Variants in CEP112 observed in about 807,000 individuals in gnomAD.
CEP112 encodes the protein centrosomal protein of 112 kDa.
In CEP112, 127 loss-of-function variants were observed where a neutral mutation model predicts 153.0. That is an observed-to-expected ratio of 0.83 (90% CI 0.72 to 0.96). The LOEUF (loss-of-function observed/expected upper bound fraction) is 0.96, where lower values mean the gene tolerates loss of function less well. Among genes scored for constraint, CEP112 ranks in the 40% least tolerant of loss-of-function variants. CEP112 has a pLI of 0.00. For synonymous variants in CEP112, 358 were observed against 374.4 expected (o/e 0.96, Z 0.51); for missense variants, 1,089 against 1,101.2 (o/e 0.99, Z 0.16).
intron 24 of CEP112, among the ~76,000 whole-genome samples, chr17:65,672,544 T>C (rs1406858653): frequency 1.2e-4 from 19 of 152,250 alleles, no homozygotes; most frequent in Non-Finnish European, 1.5e-5. Context: ...AGAAAGGTTT[T>C]GCTTGTAATA....
At chr17:65,970,539 G>A (rs2062690292) in intron 17 of CEP112, among the ~76,000 whole-genome samples, 1 of 151,004 alleles carries the variant, frequency 6.6e-6, no homozygotes, top group Non-Finnish European at 1.5e-5. Context: ...TATAACACAT[G>A]AATATTACAT....
chr17:66,162,473 T>C (rs1476427545), intron 4 of CEP112, among the ~76,000 whole-genome samples: 2 of 152,162 alleles, frequency 1.3e-5, no homozygotes, highest in South Asian at 2.1e-4. Flanking sequence ...TATACTTGTG[T>C]ACTAAGAGAC....
chr17:65,762,326 T>C (rs906688067), intron 21 of CEP112, among the ~76,000 whole-genome samples: 1 of 152,048 alleles, frequency 6.6e-6, no homozygotes, highest in African/African-American at 2.4e-5. Flanking sequence ...ATGTCTTATA[T>C]TTAAAGCAGG....
At chr17:65,870,556 C>T (rs888933504) in intron 20 of CEP112, among the ~76,000 whole-genome samples, 5 of 152,084 alleles carry the variant, frequency 3.3e-5, no homozygotes, top group African/African-American at 1.2e-4. Context: ...AAAGTAGAAA[C>T]ATTCCAGTTG....
At chr17:65,730,351 A>G (rs967553738) in intron 23 of CEP112, among the ~76,000 whole-genome samples, 1 of 152,200 alleles carries the variant, frequency 6.6e-6, no homozygotes, top group African/African-American at 2.4e-5. Context: ...ATTCACAGCC[A>G]CAGCATATCC....
intron 24 of CEP112, chr17:65,688,777 T>C (rs1043203178): frequency 2.9e-5 from 5 of 170,568 alleles, no homozygotes; most frequent in Non-Finnish European, 6.2e-5. Flanking sequence ...AAACTTGTTT[T>C]TTTTTTTGAG....
chr17:66,084,697 G>A (rs1316141642), intron 8 of CEP112, among the ~76,000 whole-genome samples: 3 of 152,080 alleles, frequency 2.0e-5, no homozygotes, highest in Non-Finnish European at 4.4e-5. Context: ...GGGGAGTTGG[G>A]ATGGTTAATG....
In CEP112 at chr17:66,028,332, T is replaced by G; in HGVS notation, c.1577A>C (p.Gln526Pro). The G allele has an allele frequency of 6.3e-7, 1 of 1,597,702 alleles. No individual in the cohort carries two copies. The highest frequency in any genetic ancestry group is 8.5e-7 in the Non-Finnish European group (1 of 1,169,688). The change falls in exon 15 of 27, where the codon CAA becomes CCA. Residue 526 changes from glutamine (Q) to proline (P), a missense_variant. Coordinates refer to ENST00000535342, the MANE Select transcript of CEP112 (RefSeq NM_001199165.4). Reference protein sequence around the residue: ...LKQQLQESELQRKQQLRDQEN... With the variant: ...LKQQLQESELPRKQQLRDQEN... ...ACTCACCCTTAGTTGTTGCTTTCTT[T>G]GAAGTTCTGATTCCTGTAACTGCTG... is the stretch of plus-strand genomic sequence containing the variant.
At chr17:65,838,282 A>T (rs2057397109) in intron 21 of CEP112, among the ~76,000 whole-genome samples, 2 of 152,146 alleles carry the variant, frequency 1.3e-5, no homozygotes, top group African/African-American at 4.8e-5. Context: ...AGAAATTTTT[A>T]AAAATCAAAA....
chr17:65,793,577 TTCTC>T (rs553776130), intron 21 of CEP112, among the ~76,000 whole-genome samples: 1 of 151,798 alleles, frequency 6.6e-6, no homozygotes, highest in Non-Finnish European at 1.5e-5. Flanking sequence ...ATCTCACATA[TTCTC>T]TCTCTCTCTG....
intron 18 of CEP112, among the ~76,000 whole-genome samples, chr17:65,937,526 A>G (rs2061361870): frequency 7.3e-6 from 1 of 137,270 alleles, no homozygotes; most frequent in Non-Finnish European, 1.6e-5. Flanking sequence ...AGAAGTGAGG[A>G]GCCCCTCTGC....
intron 11 of CEP112, among the ~76,000 whole-genome samples, chr17:66,056,728 G>C (rs1029552482): frequency 2.0e-5 from 3 of 152,144 alleles, no homozygotes; most frequent in Non-Finnish European, 4.4e-5. Context: ...GAAGAGCCTG[G>C]GGTGTGGGGA....
At chr17:65,895,379 C>T (rs1302941709) in intron 20 of CEP112, among the ~76,000 whole-genome samples, 8 of 152,018 alleles carry the variant, frequency 5.3e-5, no homozygotes, top group Admixed American at 5.3e-4. Flanking sequence ...TGCTGTTAAA[C>T]ACATACAAAC....
chr17:65,655,532 A>G (rs762409721), intron 24 of CEP112: 66 of 551,338 alleles, frequency 1.2e-4, no homozygotes, highest in Non-Finnish European at 2.1e-4. Flanking sequence ...GGTTGAGAGG[A>G]AAGTAATGGA....
At chr17:65,951,450 T>C (rs550662000) in intron 18 of CEP112, among the ~76,000 whole-genome samples, 1 of 152,282 alleles carries the variant, frequency 6.6e-6, no homozygotes, top group East Asian at 1.9e-4. Context: ...ATAGTTTTGA[T>C]CATTTGTATC....
At chr17:65,893,284 TCA>T (rs2059541064) in intron 20 of CEP112, among the ~76,000 whole-genome samples, 1 of 152,130 alleles carries the variant, frequency 6.6e-6, no homozygotes, top group Admixed American at 6.6e-5. Flanking sequence ...CACCATTAAC[TCA>T]TATTCAAATG....
chr17:65,714,504 C>T (rs867022451), intron 23 of CEP112, among the ~76,000 whole-genome samples: 15 of 152,000 alleles, frequency 9.9e-5, no homozygotes, highest in African/African-American at 3.6e-4. Flanking sequence ...ACTCTTGTCA[C>T]CTTACTGTCA....
At chr17:65,890,627 C>T (rs1354970921) in intron 20 of CEP112, among the ~76,000 whole-genome samples, 1 of 152,190 alleles carries the variant, frequency 6.6e-6, no homozygotes, top group Admixed American at 6.5e-5. Context: ...CATACTCCCT[C>T]TGTCATTCTC....
intron 18 of CEP112, among the ~76,000 whole-genome samples, chr17:65,931,820 CCT>C (rs1330542725): frequency 6.6e-6 from 1 of 152,220 alleles, no homozygotes; most frequent in Non-Finnish European, 1.5e-5. Context: ...AGTGATTGCC[CCT>C]GTCTAGTGTT....
Sources: gnomAD v4.1 joint callset for allele counts (sites outside exome capture counted in the v4.1 genomes callset) on GRCh38, gnomAD v4.1.1 for gene constraint, MANE v1.5 for transcripts, NCBI Gene and HGNC (gene_info 2026-07-23, HGNC 2026-07-21) for gene names.